Variants in CDK6 observed in about 807,000 individuals in gnomAD.
CDK6 encodes cyclin-dependent kinase 6.
A neutral mutation model predicts 37.1 loss-of-function variants in CDK6; 6 were observed. The ratio of observed to expected loss-of-function variants is 0.16; its 90% CI spans 0.09 to 0.32. The LOEUF is 0.32. CDK6 is among the 10% of genes least tolerant of loss of function. CDK6 has a pLI of 1.00. For missense variants in CDK6, 224 were observed against 418.9 expected (o/e 0.53, Z 4.06); for synonymous variants, 160 against 161.3 (o/e 0.99, Z 0.06).
chr7:92,802,981 G>C (rs190421211), intron 2 of CDK6, among the ~76,000 whole-genome samples: 12 of 152,268 alleles, frequency 7.9e-5, no homozygotes, highest in African/African-American at 2.6e-4. Flanking sequence ...CTACTATAGA[G>C]GGCCAATTCG....
At chr7:92,829,942 C>T (rs917580735) in intron 2 of CDK6, among the ~76,000 whole-genome samples, 2 of 152,182 alleles carry the variant, frequency 1.3e-5, no homozygotes, top group African/African-American at 4.8e-5. Context: ...ATTGCTATAT[C>T]CCCACCTTCT....
intron 3 of CDK6, among the ~76,000 whole-genome samples, chr7:92,769,063 C>A (rs1421379541): frequency 6.6e-6 from 1 of 152,110 alleles, no homozygotes; most frequent in African/African-American, 2.4e-5. Context: ...CTGTTTACTG[C>A]AAGCAGATAT....
chr7:92,707,266 A>G (rs564699592), intron 4 of CDK6, among the ~76,000 whole-genome samples: 146 of 152,300 alleles, frequency 9.6e-4, no homozygotes, highest in Non-Finnish European at 1.8e-3. Flanking sequence ...CTATTTTAGC[A>G]GAGAAGAAAC....
chr7:92,639,860 T>C (rs754706867), intron 5 of CDK6, among the ~76,000 whole-genome samples: 1 of 152,190 alleles, frequency 6.6e-6, no homozygotes, highest in African/African-American at 2.4e-5. Flanking sequence ...GACTAACGGC[T>C]CTCAATCAGC....
chr7:92,734,560 A>G (rs1798737112), intron 3 of CDK6, among the ~76,000 whole-genome samples: 2 of 152,182 alleles, frequency 1.3e-5, no homozygotes, highest in Non-Finnish European at 2.9e-5. Flanking sequence ...ACCACATTGT[A>G]CTAATGGGTG....
At chr7:92,720,558 A>G (rs925676886) in intron 4 of CDK6, among the ~76,000 whole-genome samples, 5 of 152,208 alleles carry the variant, frequency 3.3e-5, no homozygotes, top group African/African-American at 1.2e-4. Context: ...AAAAAAAATT[A>G]AAGATTTTGC....
At chr7:92,795,358 G>A (rs1800383103) in intron 2 of CDK6, among the ~76,000 whole-genome samples, 1 of 152,130 alleles carries the variant, frequency 6.6e-6, no homozygotes, top group Non-Finnish European at 1.5e-5. Flanking sequence ...GTGATCCACA[G>A]CCTTCAAAGC....
At chr7:92,766,634 A>T (rs529084778) in intron 3 of CDK6, among the ~76,000 whole-genome samples, 2 of 152,352 alleles carry the variant, frequency 1.3e-5, no homozygotes, top group East Asian at 3.9e-4. Flanking sequence ...GAGGAAGAAG[A>T]GCCAAAAAAA....
intron 4 of CDK6, among the ~76,000 whole-genome samples, chr7:92,694,725 T>C (rs982825778): frequency 9.2e-5 from 14 of 152,156 alleles, no homozygotes; most frequent in African/African-American, 3.4e-4. Context: ...AACAGAAATG[T>C]GTAGTGATTG....
At chr7:92,726,436 G>A (rs1023659260) in intron 3 of CDK6, among the ~76,000 whole-genome samples, 1 of 152,032 alleles carries the variant, frequency 6.6e-6, no homozygotes, top group African/African-American at 2.4e-5. Flanking sequence ...TTTTAAACAG[G>A]ATCTTGCTCT....
At chr7:92,718,509 T>C (rs1050898812) in intron 4 of CDK6, among the ~76,000 whole-genome samples, 3 of 152,204 alleles carry the variant, frequency 2.0e-5, no homozygotes, top group Admixed American at 2.0e-4. Context: ...CTGTAAAAGA[T>C]GACATTGTTC....
chr7:92,685,898 C>T (rs1414784228), intron 4 of CDK6, among the ~76,000 whole-genome samples: 3 of 152,174 alleles, frequency 2.0e-5, no homozygotes, highest in South Asian at 4.1e-4. Context: ...TTTGAAATGA[C>T]CAAGCTGCTT....
chr7:92,825,886 T>C (rs765371906), intron 2 of CDK6, among the ~76,000 whole-genome samples: 17 of 152,176 alleles, frequency 1.1e-4, no homozygotes, highest in Non-Finnish European at 1.9e-4. Context: ...AGTCCAAAGT[T>C]GCACAGTTAA....
chr7:92,756,794 C>T (rs1799329786), intron 3 of CDK6, among the ~76,000 whole-genome samples: 1 of 152,150 alleles, frequency 6.6e-6, no homozygotes, highest in African/African-American at 2.4e-5. Flanking sequence ...ACAAAATTCT[C>T]CATTTCAATT....
At chr7:92,647,049 G>T (rs751415141) in intron 5 of CDK6, among the ~76,000 whole-genome samples, 16 of 152,188 alleles carry the variant, frequency 1.1e-4, no homozygotes, top group Non-Finnish European at 1.6e-4. Context: ...CGATGCATTT[G>T]GCCCATTTTA....
intron 2 of CDK6, among the ~76,000 whole-genome samples, chr7:92,783,554 A>G (rs1386963105): frequency 3.3e-5 from 5 of 152,162 alleles, no homozygotes; most frequent in African/African-American, 1.2e-4. Context: ...CTTCTTTCCA[A>G]CTTTAGAGTT....
At chr7:92,649,683 G>A (rs527302960) in intron 5 of CDK6, among the ~76,000 whole-genome samples, 1 of 152,290 alleles carries the variant, frequency 6.6e-6, no homozygotes, top group East Asian at 1.9e-4. Context: ...AGGAAACTGA[G>A]GCACGGGTGG....
chr7:92,819,096 A>G (rs1286747439), intron 2 of CDK6, among the ~76,000 whole-genome samples: 1 of 152,070 alleles, frequency 6.6e-6, no homozygotes, highest in African/African-American at 2.4e-5. Flanking sequence ...TGTCATATCA[A>G]TACAAAGACC....
intron 7 of CDK6, among the ~76,000 whole-genome samples, chr7:92,617,498 G>C (rs1300474706): frequency 6.6e-6 from 1 of 152,158 alleles, no homozygotes; most frequent in Non-Finnish European, 1.5e-5. Flanking sequence ...TCTACCTATT[G>C]TTCTGGCCTC....
Sources: gnomAD v4.1 joint callset for allele counts (sites outside exome capture counted in the v4.1 genomes callset) on GRCh38, gnomAD v4.1.1 for gene constraint, MANE v1.5 for transcripts, NCBI Gene and HGNC (gene_info 2026-07-23, HGNC 2026-07-21) for gene names.